Variants in LINGO2 observed in about 807,000 individuals in gnomAD.
LINGO2 encodes the protein leucine rich repeat and Ig domain containing 2.
LINGO2 carries 14 observed loss-of-function variants against 30.6 expected under a neutral mutation model. The observed-to-expected ratio is 0.46, with a 90% CI of 0.30 to 0.72. The LOEUF is 0.72. LINGO2 is among the 30% of genes least tolerant of loss of function. The probability of loss-of-function intolerance (pLI) is 0.07; values close to 1 mark genes in which losing one functional copy is unlikely to be tolerated. For synonymous variants in LINGO2, 317 were observed against 288.5 expected, an observed-to-expected ratio of 1.10 and a Z score of -1.00; for missense variants, 729 against 751.7, an observed-to-expected ratio of 0.97 and a Z score of 0.35.
the LINGO2 span, among the ~76,000 whole-genome samples, chr9:28,792,970 T>C: frequency 1.3e-5 from 2 of 152,090 alleles, no homozygotes; most frequent in Non-Finnish European, 2.9e-5. Flanking sequence ...ATTGTACATG[T>C]GGGCAAGAAA....
intron 1 of LINGO2, among the ~76,000 whole-genome samples, chr9:28,537,847 T>C (rs1352462782): frequency 6.6e-6 from 1 of 150,614 alleles, no homozygotes. Context: ...CCTGAAAAAG[T>C]GTCAGTATCA....
intron 4 of LINGO2, among the ~76,000 whole-genome samples, chr9:28,293,759 T>C (rs1238928742): frequency 2.6e-5 from 4 of 152,194 alleles, no homozygotes; most frequent in African/African-American, 4.8e-5. Flanking sequence ...TTGTGGTAAA[T>C]TCTGAAATAA....
chr9:28,186,142 C>A (rs1192069296), intron 4 of LINGO2, among the ~76,000 whole-genome samples: 18 of 152,086 alleles, frequency 1.2e-4, no homozygotes, highest in Non-Finnish European at 2.4e-4. Flanking sequence ...CATGTCCTTG[C>A]CTTTTGGTAC....
At chr9:28,948,580 T>C in the LINGO2 span, among the ~76,000 whole-genome samples, 1 of 152,100 alleles carries the variant, frequency 6.6e-6, no homozygotes, top group Non-Finnish European at 1.5e-5. Flanking sequence ...GTCAAATTTA[T>C]TGCAAGAAAT....
intron 2 of LINGO2, among the ~76,000 whole-genome samples, chr9:28,452,856 A>C (rs943164445): frequency 4.6e-5 from 7 of 151,854 alleles, no homozygotes; most frequent in Non-Finnish European, 8.8e-5. Flanking sequence ...GAGTTGAAGG[A>C]GAGCAGTAAG....
At chr9:28,437,261 T>C (rs752009422) in intron 2 of LINGO2, among the ~76,000 whole-genome samples, 1 of 152,210 alleles carries the variant, frequency 6.6e-6, no homozygotes, top group African/African-American at 2.4e-5. Context: ...ACTCTTCTTC[T>C]GCCTTTGTAC....
At chr9:29,085,396 C>A in the LINGO2 span, among the ~76,000 whole-genome samples, 1 of 149,860 alleles carries the variant, frequency 6.7e-6, no homozygotes, top group African/African-American at 2.4e-5. Context: ...CAGCTACCAT[C>A]AGCTAATTGG....
the LINGO2 span, among the ~76,000 whole-genome samples, chr9:28,931,296 A>T: frequency 2.0e-5 from 3 of 152,222 alleles, no homozygotes; most frequent in Admixed American, 2.0e-4. Context: ...AAGAGTGAAT[A>T]ACCATGGCAT....
At chr9:29,171,323 A>G in the LINGO2 span, among the ~76,000 whole-genome samples, 1 of 152,090 alleles carries the variant, frequency 6.6e-6, no homozygotes, top group Non-Finnish European at 1.5e-5. Context: ...TCTGAGAATA[A>G]GCCTCACACT....
At chr9:28,139,468 A>G (rs1827613967) in intron 4 of LINGO2, among the ~76,000 whole-genome samples, 1 of 152,218 alleles carries the variant, frequency 6.6e-6, no homozygotes, top group Non-Finnish European at 1.5e-5. Context: ...TATCAGCTAC[A>G]TTCCTGGATA....
the LINGO2 span, among the ~76,000 whole-genome samples, chr9:28,988,495 T>C: frequency 6.6e-6 from 1 of 152,136 alleles, no homozygotes; most frequent in Non-Finnish European, 1.5e-5. Flanking sequence ...GGTCACTCTA[T>C]GTCTTTTATT....
intron 2 of LINGO2, among the ~76,000 whole-genome samples, chr9:28,381,949 T>C (rs987091746): frequency 6.6e-6 from 1 of 152,104 alleles, no homozygotes; most frequent in East Asian, 1.9e-4. Flanking sequence ...ACACTTTTAA[T>C]AGCAGCATAT....
chr9:28,008,848 T>C (rs1428124365), intron 5 of LINGO2, among the ~76,000 whole-genome samples: 1 of 152,138 alleles, frequency 6.6e-6, no homozygotes, highest in Non-Finnish European at 1.5e-5. Context: ...ACCAAAGTGA[T>C]TTGCAGATTT....
chr9:29,207,623 CA>C, the LINGO2 span, among the ~76,000 whole-genome samples: 1 of 151,946 alleles, frequency 6.6e-6, no homozygotes, highest in African/African-American at 2.4e-5. Context: ...ATTATAACAA[CA>C]AAAAATGTAA....
At chr9:28,077,138 A>G (rs911406857) in intron 4 of LINGO2, among the ~76,000 whole-genome samples, 4 of 152,076 alleles carry the variant, frequency 2.6e-5, no homozygotes, top group Admixed American at 2.6e-4. Flanking sequence ...CGATGTGAAC[A>G]TGTGGTCAGA....
At chr9:28,418,414 G>C (rs1366900352) in intron 2 of LINGO2, among the ~76,000 whole-genome samples, 2 of 151,410 alleles carry the variant, frequency 1.3e-5, no homozygotes, top group African/African-American at 4.9e-5. Context: ...GAGTCGCTAG[G>C]ATTACAGGCA....
At chr9:28,189,697 G>GAGGAAGGAAGGAAGGAAGGA (rs1564029626) in intron 4 of LINGO2, among the ~76,000 whole-genome samples, 1 of 24,074 alleles carries the variant, frequency 4.2e-5, no homozygotes, top group South Asian at 1.3e-3. Context: ...GGAAGGAAGG[G>GAGGAAGGAAGGAAGGAAGGA]AGGGAGGAAG....
the LINGO2 span, among the ~76,000 whole-genome samples, chr9:28,831,322 A>C: frequency 1.3e-5 from 2 of 152,338 alleles, no homozygotes; most frequent in Non-Finnish European, 2.9e-5. Context: ...TAGGGACTGT[A>C]TAATAATCAA....
At chr9:28,341,932 C>T (rs1050482145) in intron 3 of LINGO2, among the ~76,000 whole-genome samples, 96 of 152,200 alleles carry the variant, frequency 6.3e-4, no homozygotes, top group African/African-American at 2.2e-3. Context: ...CATTTACCAC[C>T]TTCTTTTTAT....
Sources: gnomAD v4.1 joint callset for allele counts (sites outside exome capture counted in the v4.1 genomes callset) on GRCh38, gnomAD v4.1.1 for gene constraint, MANE v1.5 for transcripts, NCBI Gene and HGNC (gene_info 2026-07-23, HGNC 2026-07-21) for gene names.